EYS: variants seen among roughly 807,000 people sequenced by gnomAD.
The protein encoded by EYS is protein eyes shut homolog.
EYS carries 250 observed loss-of-function variants against 282.1 expected under a neutral mutation model. The ratio of observed to expected loss-of-function variants is 0.89; its 90% CI spans 0.80 to 0.98. The LOEUF is 0.98. EYS is among the 50% of genes least tolerant of loss of function. EYS has a pLI of 0.00. For missense variants in EYS, 4,016 were observed against 3,709.0 expected (o/e 1.08, Z -2.15); for synonymous variants, 1,355 against 1,282.9 (o/e 1.06, Z -1.20).
intron 19 of EYS, among the ~76,000 whole-genome samples, chr6:64,838,677 A>T (rs1363204633): frequency 6.6e-6 from 1 of 151,506 alleles, no homozygotes; most frequent in Non-Finnish European, 1.5e-5. Context: ...TTATTTGATA[A>T]TGCATAACAA....
At chr6:64,301,770 G>C (rs573322003) in intron 30 of EYS, among the ~76,000 whole-genome samples, 1 of 152,144 alleles carries the variant, frequency 6.6e-6, no homozygotes, top group Admixed American at 6.5e-5. Context: ...TACAAAAATA[G>C]TTCACTCCCC....
intron 35 of EYS, among the ~76,000 whole-genome samples, chr6:63,899,679 A>G (rs1254456248): frequency 1.3e-5 from 2 of 152,176 alleles, no homozygotes; most frequent in African/African-American, 4.8e-5. Flanking sequence ...TGATCCTTCC[A>G]GGTAACATTT....
At chr6:64,558,456 C>A (rs575483770) in intron 26 of EYS, among the ~76,000 whole-genome samples, 2 of 151,990 alleles carry the variant, frequency 1.3e-5, no homozygotes, top group South Asian at 2.1e-4. Flanking sequence ...ACTCTTCACC[C>A]CAAAATGTCA....
intron 37 of EYS, among the ~76,000 whole-genome samples, chr6:63,798,197 T>G (rs1162209119): frequency 1.3e-5 from 2 of 152,244 alleles, no homozygotes; most frequent in African/African-American, 4.8e-5. Context: ...AGTATCTGTA[T>G]ATCTTTGTCA....
intron 15 of EYS, 51 bp from the exon 16 acceptor site, chr6:64,912,794 A>G (rs550123802): frequency 1.6e-4 from 190 of 1,200,306 alleles, no homozygotes; most frequent in Non-Finnish European, 2.0e-4. Flanking sequence ...TTTCAAGTTT[A>G]TTTTTTGTAT....
chr6:65,056,676 T>C (rs778941372), intron 13 of EYS, among the ~76,000 whole-genome samples: 2 of 152,092 alleles, frequency 1.3e-5, no homozygotes, highest in African/African-American at 2.4e-5. Flanking sequence ...ATTAAATAAG[T>C]ATGAATTGAT....
intron 5 of EYS, among the ~76,000 whole-genome samples, chr6:65,457,164 G>T (rs373931121): frequency 3.5e-5 from 5 of 142,790 alleles, no homozygotes; most frequent in African/African-American, 2.5e-5. Context: ...TTGTTGTTGT[G>T]TTTTATTTAT....
At chr6:65,141,563 T>C (rs1764341954) in intron 12 of EYS, among the ~76,000 whole-genome samples, 1 of 152,060 alleles carries the variant, frequency 6.6e-6, no homozygotes, top group Non-Finnish European at 1.5e-5. Flanking sequence ...AATCTGAGTG[T>C]ACCCTAAGTG....
chr6:64,106,632 G>A (rs188569011), intron 31 of EYS, among the ~76,000 whole-genome samples: 2 of 151,938 alleles, frequency 1.3e-5, no homozygotes, highest in Non-Finnish European at 2.9e-5. Context: ...GGTTTTGTGT[G>A]TGTGTGTGTG....
At chr6:65,397,244 T>G (rs1450711578) in intron 7 of EYS, among the ~76,000 whole-genome samples, 2 of 151,966 alleles carry the variant, frequency 1.3e-5, no homozygotes, top group Non-Finnish European at 2.9e-5. Flanking sequence ...TTTTGTTTGT[T>G]TGCTTGTTTT....
chr6:64,061,205 A>G (rs1771155066), intron 33 of EYS, among the ~76,000 whole-genome samples: 1 of 152,214 alleles, frequency 6.6e-6, no homozygotes, highest in Non-Finnish European at 1.5e-5. Context: ...TAAAGGACAC[A>G]GGGCTTTTTT....
At chr6:64,788,360 G>T (rs998399758) in intron 22 of EYS, among the ~76,000 whole-genome samples, 11 of 152,080 alleles carry the variant, frequency 7.2e-5, no homozygotes, top group African/African-American at 2.7e-4. Context: ...AGGAAGAGAG[G>T]TGTGGACCTT....
chr6:64,205,814 T>TACACAAC (rs1554218573), intron 31 of EYS, among the ~76,000 whole-genome samples: 1 of 136,282 alleles, frequency 7.3e-6, no homozygotes, highest in Admixed American at 7.7e-5. Context: ...TAGGCATTCA[T>TACACAAC]ACACACACAC....
At chr6:64,868,498 T>C (rs1047161672) in intron 19 of EYS, among the ~76,000 whole-genome samples, 5 of 151,588 alleles carry the variant, frequency 3.3e-5, no homozygotes, top group Admixed American at 6.6e-5. Context: ...CAATTAACTA[T>C]GAATTATACC....
intron 26 of EYS, among the ~76,000 whole-genome samples, chr6:64,496,144 T>C (rs1302112031): frequency 6.6e-6 from 1 of 151,862 alleles, no homozygotes; most frequent in African/African-American, 2.4e-5. Flanking sequence ...TATATATTAT[T>C]TAAATAAAGA....
intron 5 of EYS, among the ~76,000 whole-genome samples, chr6:65,433,729 A>G (rs182538677): frequency 5.3e-5 from 8 of 152,322 alleles, no homozygotes; most frequent in Non-Finnish European, 1.5e-5. Context: ...TAAAAATGGT[A>G]CTAGAATGAA....
chr6:64,355,861 T>C (rs996426227), intron 29 of EYS, among the ~76,000 whole-genome samples: 12 of 151,610 alleles, frequency 7.9e-5, no homozygotes, highest in Non-Finnish European at 1.3e-4. Context: ...GAGATGAGCT[T>C]CAGAAGTTCT....
intron 15 of EYS, among the ~76,000 whole-genome samples, chr6:64,920,964 A>C (rs1350885267): frequency 6.6e-6 from 1 of 152,156 alleles, no homozygotes; most frequent in Non-Finnish European, 1.5e-5. Context: ...TAAGCATTAC[A>C]CTTGAAGTCT....
chr6:65,248,730 A>G (rs1015464307), intron 12 of EYS, among the ~76,000 whole-genome samples: 2 of 152,048 alleles, frequency 1.3e-5, no homozygotes, highest in African/African-American at 4.8e-5. Flanking sequence ...TATTCAAGGC[A>G]GAAAAAAAAA....
Sources: gnomAD v4.1 joint callset for allele counts (sites outside exome capture counted in the v4.1 genomes callset) on GRCh38, gnomAD v4.1.1 for gene constraint, MANE v1.5 for transcripts, NCBI Gene and HGNC (gene_info 2026-07-23, HGNC 2026-07-21) for gene names.